CRYBG1: variants seen among roughly 807,000 people sequenced by gnomAD.
CRYBG1 encodes crystallin beta-gamma domain containing 1, also known as beta/gamma crystallin domain-containing protein 1.
A neutral mutation model predicts 189.2 loss-of-function variants in CRYBG1; 139 were observed. The ratio of observed to expected loss-of-function variants is 0.73; its 90% confidence interval spans 0.64 to 0.85. CRYBG1 has a LOEUF of 0.85. Among genes scored for constraint, CRYBG1 ranks in the 40% least tolerant of loss-of-function variants. The pLI is 0.00. For synonymous variants in CRYBG1, 1,023 were observed against 1,017.1 expected (o/e 1.01, Z -0.11); for missense variants, 2,611 against 2,675.8 (o/e 0.98, Z 0.53).
intron 8 of CRYBG1, among the ~76,000 whole-genome samples, chr6:106,532,423 A>G (rs1407280311): frequency 6.6e-6 from 1 of 152,226 alleles, no homozygotes; most frequent in Non-Finnish European, 1.5e-5. Context: ...ATATATACTC[A>G]GTAGTGAGAT....
chr6:106,506,068 G>T (rs1773126307), intron 2 of CRYBG1, among the ~76,000 whole-genome samples: 2 of 152,184 alleles, frequency 1.3e-5, no homozygotes, highest in African/African-American at 4.8e-5. Flanking sequence ...TGCACCGGTA[G>T]CTCCATCAAC....
intron 13 of CRYBG1, among the ~76,000 whole-genome samples, chr6:106,549,178 C>T (rs879904620): frequency 1.3e-5 from 2 of 152,150 alleles, no homozygotes; most frequent in Non-Finnish European, 2.9e-5. Flanking sequence ...TCCCACATAG[C>T]AGTGCTCCCT....
At position 106,521,210 on chromosome 6, in the gene CRYBG1, G is replaced by A. The variant is rs150414602; in HGVS notation, c.4002G>A (p.Pro1334=). The A allele has an allele frequency of 2.9e-3, 4,640 of 1,613,916 alleles. 22 individuals are homozygous for A. The highest frequency in any genetic ancestry group is 3.8e-3 in the South Asian group (350 of 91,050). ...LKSPSHMEKY[P]QKEKTKEDLD... The stretch of plus-strand genomic sequence containing the variant: ...GTCCAAGCCACATGGAAAAATACCC[G>A]CAAAAAGAGAAAACCAAAGAAGATC... The change falls in exon 4 of 22, where the codon CCG becomes CCA. Residue 1334 remains proline, a synonymous_variant. Coordinates refer to ENST00000633556, the MANE Select transcript of CRYBG1 (RefSeq NM_001371242.2).
rs528550609 is a variant in CRYBG1, at chr6:106,403,642, T to C, written c.173+42561T>C. ...ATATACACACACGCACTTGAAATAC[T>C]TTTTTATGAACAATGGGTAGCCTTA... On this transcript the variant is annotated intron_variant, in intron 1 of 21. Coordinates refer to ENST00000633556, the MANE Select transcript of CRYBG1 (RefSeq NM_001371242.2). 2.6e-5 allele frequency among the ~76,000 whole-genome samples: 4 copies of C among 152,350 alleles called. No homozygotes were observed. In the South Asian group the frequency reaches 8.3e-4, roughly 32 times the overall value.
At chr6:106,361,123 C>T in intron 1 of CRYBG1, 42 bp downstream of exon 1, 1 of 1,515,606 alleles carries the variant, frequency 6.6e-7, no homozygotes. Context: ...CCTCCTCCTC[C>T]TCCTCCTTCT....
At position 106,519,436 on chromosome 6, in the gene CRYBG1, T is replaced by G. The variant is rs1238596911; in HGVS notation, c.2228T>G (p.Leu743Arg). The G allele has an allele frequency of 6.2e-7, 1 of 1,614,122 alleles. No homozygotes were observed. ...CCAAACAGTCCCCAGAATGGTGTGC[T>G]GGTTAAGGAAACTGCTATAGAAACC... is the stretch of plus-strand genomic sequence containing the variant. Reference protein sequence around the residue: ...VMPNSPQNGVLVKETAIETKV... With the variant: ...VMPNSPQNGVRVKETAIETKV... The change falls in exon 4 of 22, where the codon CTG becomes CGG. Residue 743 changes from leucine (L) to arginine (R), a missense_variant. Physicochemically the swap from Leu to Arg is moderately radical, Grantham distance 102. This residue lies in a region of CRYBG1 where 1,622 missense variants were observed against 1,735.0 expected (regional missense o/e 0.93). Coordinates refer to ENST00000633556, the MANE Select transcript of CRYBG1 (RefSeq NM_001371242.2).
At chr6:106,442,276 G>T (rs759005855) in intron 1 of CRYBG1, among the ~76,000 whole-genome samples, 1 of 152,148 alleles carries the variant, frequency 6.6e-6, no homozygotes, top group Non-Finnish European at 1.5e-5. Flanking sequence ...TCAAAGCTCA[G>T]GATTGATGAA....
At chr6:106,485,629 GGCCT>G (rs1418462668) in intron 2 of CRYBG1, among the ~76,000 whole-genome samples, 1 of 152,096 alleles carries the variant, frequency 6.6e-6, no homozygotes, top group African/African-American at 2.4e-5. Flanking sequence ...TGTAATATAT[GGCCT>G]TTATTGTGTT....
At chr6:106,499,140 G>GTTGTTTTTTTTTTTTT (rs1772926491) in intron 2 of CRYBG1, among the ~76,000 whole-genome samples, 1 of 58,932 alleles carries the variant, frequency 1.7e-5, no homozygotes, top group African/African-American at 1.4e-4. Context: ...TTTTTTGTTT[G>GTTGTTTTTTTTTTTTT]TTTGTTTGTT....
chr6:106,376,051 G>T (rs1372868353), intron 1 of CRYBG1, among the ~76,000 whole-genome samples: 1 of 152,146 alleles, frequency 6.6e-6, no homozygotes, highest in Non-Finnish European at 1.5e-5. Flanking sequence ...TTGGACCACG[G>T]TTGACTGAGT....
At chr6:106,559,657 G>A (rs2114596059) in intron 18 of CRYBG1, among the ~76,000 whole-genome samples, 1 of 152,090 alleles carries the variant, frequency 6.6e-6, no homozygotes, top group East Asian at 1.9e-4. Context: ...TGGTGGTGGG[G>A]CCCCTGTAAT....
Position 106,371,015 on chromosome 6 carries a change from C to A in CRYBG1, c.173+9934C>A, listed in dbSNP as rs537861462. Among the ~76,000 whole-genome samples, 9 of 152,186 alleles carry A rather than the reference C, an allele frequency of 5.9e-5. No homozygotes were observed. The South Asian group carries it at 1.9e-3, about 32-fold the overall frequency. ...TCACCTACTACCTAAAAAAAGCCAA[C>A]AAAAATAAAAATAACTCAATTCATG... On this transcript the variant is annotated intron_variant, in intron 1 of 21. Transcript: ENST00000633556.
rs1037156239 is a variant in CRYBG1, at chr6:106,571,429, G to A, written c.*2863G>A. ...CATTAAGACGATCAGGCCCAGCAGG[G>A]TGGTTCACGCCTGTAATCCCAGAAC... On this transcript the variant is annotated 3_prime_UTR_variant, in exon 22 of 22. Transcript: ENST00000633556. 11 of 152,760 alleles carry A rather than the reference G, an allele frequency of 7.2e-5. No individual in the cohort carries two copies. The highest frequency in any genetic ancestry group is 2.7e-4 in the African/African-American group (11 of 41,436). The allele number at this position is 152,760 out of a possible 1,614,324, so 9.5% of individuals were successfully genotyped here. A position where few individuals can be genotyped will look rare whatever the true frequency, so the allele number is the denominator to read the frequency against.
intron 2 of CRYBG1, among the ~76,000 whole-genome samples, chr6:106,484,403 C>G (rs554588628): frequency 1.4e-4 from 21 of 152,236 alleles, no homozygotes; most frequent in African/African-American, 4.6e-4. Context: ...AAGCAATCCT[C>G]CAGCCTCAGC....
chr6:106,421,207 G>A (rs1265518411), intron 1 of CRYBG1, among the ~76,000 whole-genome samples: 1 of 152,120 alleles, frequency 6.6e-6, no homozygotes, highest in East Asian at 1.9e-4. Flanking sequence ...ATAAGATCCT[G>A]GATTTAAGAG....
At chr6:106,375,263 G>C (rs773338320) in intron 1 of CRYBG1, among the ~76,000 whole-genome samples, 1 of 152,074 alleles carries the variant, frequency 6.6e-6, no homozygotes, top group Non-Finnish European at 1.5e-5. Context: ...GCATGTGCCT[G>C]TAGTCCCAAC....
At chr6:106,477,156 G>A (rs1772348938) in intron 2 of CRYBG1, among the ~76,000 whole-genome samples, 1 of 152,060 alleles carries the variant, frequency 6.6e-6, no homozygotes, top group Non-Finnish European at 1.5e-5. Context: ...ATGTGTTTTG[G>A]TATTCGTCCC....
chr6:106,393,337 T>C (rs2114341007), intron 1 of CRYBG1, among the ~76,000 whole-genome samples: 1 of 152,296 alleles, frequency 6.6e-6, no homozygotes, highest in African/African-American at 2.4e-5. Flanking sequence ...TTAGGGCACC[T>C]AGCACTGACC....
intron 8 of CRYBG1, among the ~76,000 whole-genome samples, chr6:106,536,256 A>C (rs1461694399): frequency 2.6e-5 from 4 of 152,240 alleles, no homozygotes; most frequent in African/African-American, 9.6e-5. Flanking sequence ...GATACTTCAT[A>C]TAGATAGTGC....
Sources: gnomAD v4.1 joint callset for allele counts (sites outside exome capture counted in the v4.1 genomes callset) on GRCh38, gnomAD v4.1.1 for gene constraint, gnomAD v4.1.1 regional missense constraint, MANE v1.5 for transcripts, NCBI Gene and HGNC (gene_info 2026-07-23, HGNC 2026-07-21) for gene names.